CDH4: variants seen among roughly 807,000 people sequenced by gnomAD.
CDH4 encodes the protein cadherin-4.
CDH4 carries 33 observed loss-of-function variants against 86.0 expected under a neutral mutation model. That is an observed-to-expected ratio of 0.38 (90% CI 0.29 to 0.51). The LOEUF (loss-of-function observed/expected upper bound fraction) is 0.51, where lower values mean the gene tolerates loss of function less well. CDH4 is among the 20% of genes least tolerant of loss of function. CDH4 has a pLI of 0.86. For missense variants in CDH4, 1,114 were observed against 1,307.4 expected (o/e 0.85, Z 2.28); for synonymous variants, 555 against 549.4 (o/e 1.01, Z -0.14).
intron 2 of CDH4, among the ~76,000 whole-genome samples, chr20:61,484,404 C>G (rs186944725): frequency 1.3e-5 from 2 of 152,346 alleles, no homozygotes; most frequent in East Asian, 1.9e-4. Context: ...TCCAGACTCT[C>G]ATATCTGCAG....
chr20:61,513,818 G>A (rs1466651322), intron 2 of CDH4, among the ~76,000 whole-genome samples: 3 of 152,158 alleles, frequency 2.0e-5, no homozygotes, highest in Non-Finnish European at 2.9e-5. Context: ...CAGGCACCAC[G>A]GGCCTGGCAT....
chr20:61,597,644 G>A (rs764096382), intron 2 of CDH4, among the ~76,000 whole-genome samples: 6 of 152,218 alleles, frequency 3.9e-5, no homozygotes, highest in South Asian at 2.1e-4. Flanking sequence ...GAGGCAGAGC[G>A]GCCCAAACAG....
intron 2 of CDH4, among the ~76,000 whole-genome samples, chr20:61,578,743 G>A (rs2086403354): frequency 6.6e-6 from 1 of 152,090 alleles, no homozygotes; most frequent in African/African-American, 2.4e-5. Context: ...CAATCCAACT[G>A]ATATGAGCTA....
chr20:61,597,444 AG>A, intron 2 of CDH4, among the ~76,000 whole-genome samples: 1 of 152,318 alleles, frequency 6.6e-6, no homozygotes. Flanking sequence ...CCTCCTGGCC[AG>A]CCTGGCTGCA....
At position 61,675,098 on chromosome 20, in the gene CDH4, G is replaced by A. The variant is rs555349540; in HGVS notation, c.170-68465G>A. ...TCTTCATTCTAGCAGTGCAGGAAGG[G>A]GCTAGGTCTGAGCGACGTGTGACAG... On this transcript the variant is annotated intron_variant, in intron 2 of 15. Transcript: ENST00000614565. Among the ~76,000 whole-genome samples the A allele has an allele frequency of 9.2e-5, 14 of 152,368 alleles. 1 individual carries two copies. In the South Asian group the frequency reaches 2.3e-3, roughly 25 times the overall value.
intron 2 of CDH4, among the ~76,000 whole-genome samples, chr20:61,407,567 C>T (rs6061796): frequency 0.85 from 130,162 of 152,260 alleles, 55,956 homozygotes; most frequent in East Asian, 1. Flanking sequence ...AAGTGACACA[C>T]AAACTTCCCT....
At chr20:61,304,071 C>T (rs2084400585) in intron 2 of CDH4, among the ~76,000 whole-genome samples, 1 of 152,112 alleles carries the variant, frequency 6.6e-6, no homozygotes, top group African/African-American at 2.4e-5. Flanking sequence ...TCTATGGGAC[C>T]CTCAAGGAAC....
intron 2 of CDH4, among the ~76,000 whole-genome samples, chr20:61,594,256 T>TG (rs1306475274): frequency 1.1e-4 from 3 of 28,180 alleles, no homozygotes; most frequent in Admixed American, 1.0e-3. Context: ...GGGAAGAGGG[T>TG]GGGGGGGAAG....
intron 2 of CDH4, among the ~76,000 whole-genome samples, chr20:61,674,986 T>C (rs899690300): frequency 6.6e-6 from 1 of 152,234 alleles, no homozygotes; most frequent in Non-Finnish European, 1.5e-5. Context: ...AAAGAGACAT[T>C]GTGGCCCACC....
chr20:61,666,362 G>T (rs771507695), intron 2 of CDH4, among the ~76,000 whole-genome samples: 1 of 152,200 alleles, frequency 6.6e-6, no homozygotes, highest in South Asian at 2.1e-4. Context: ...AGCTGCTGCC[G>T]GCACAGCCAG....
intron 13 of CDH4, among the ~76,000 whole-genome samples, chr20:61,930,324 A>G (rs1457641506): frequency 6.6e-6 from 1 of 152,242 alleles, no homozygotes; most frequent in Non-Finnish European, 1.5e-5. Context: ...CTCTGCCCAG[A>G]TCACATGCTC....
rs936425959 is a variant in CDH4, at chr20:61,528,595, C to T, written c.170-214968C>T. ...GACCAGCCTGGCAACGTAGAAAGAC[C>T]CCATCTCCACAAAAAAGAAAAGGAA... On this transcript the variant is annotated intron_variant, in intron 2 of 15. Transcript: ENST00000614565. 4.0e-5 allele frequency among the ~76,000 whole-genome samples: 6 copies of T among 151,716 alleles called. No individual in the cohort carries two copies. In the East Asian group the frequency reaches 1.2e-3, roughly 29 times the overall value.
In CDH4 at chr20:61,603,111, G is replaced by A. The variant is rs116829931; in HGVS notation, c.170-140452G>A. ...AAGCTCTCAGTCTAGTTCAAGAGGT[G>A]GCTAAACAGAAGCACAGTTTTTTAT... On this transcript the variant is annotated intron_variant, in intron 2 of 15. Transcript: ENST00000614565. 6.3e-3 allele frequency among the ~76,000 whole-genome samples: 967 copies of A among 152,294 alleles called. 16 individuals are homozygous for A. Among genetic ancestry groups the A allele is most frequent in the African/African-American group, 0.022 (901 of 41,556 alleles).
chr20:61,765,928 A>G (rs965637061), intron 3 of CDH4, among the ~76,000 whole-genome samples: 3 of 151,960 alleles, frequency 2.0e-5, no homozygotes, highest in African/African-American at 7.2e-5. Context: ...GGCCAGGTGG[A>G]ATGCCGGACT....
At chr20:61,301,045 G>A (rs751480431) in intron 2 of CDH4, among the ~76,000 whole-genome samples, 2 of 152,214 alleles carry the variant, frequency 1.3e-5, no homozygotes, top group Non-Finnish European at 2.9e-5. Context: ...CAAAGCTCAC[G>A]ACTCTTACCT....
Position 61,510,781 on chromosome 20 carries a change from AT to A in CDH4, c.170-232779del, listed in dbSNP as rs573327559. Among the ~76,000 whole-genome samples, 496 of 152,150 alleles carry A rather than the reference AT, an allele frequency of 3.3e-3. 1 individual carries two copies. The highest frequency in any genetic ancestry group is 0.011 in the African/African-American group (468 of 41,482). ...ATAAAGAAATACCTGAGACTGGGTA[AT>A]TTATAAAAGAAAGAGGTTTAATTGG... On this transcript the variant is annotated intron_variant, in intron 2 of 15. Transcript: ENST00000614565. The surrounding 1 kb of genome is among the most constrained non-coding windows in gnomAD (Gnocchi z 4.2).
At chr20:61,547,040 C>A (rs777517911) in intron 2 of CDH4, among the ~76,000 whole-genome samples, 2 of 151,882 alleles carry the variant, frequency 1.3e-5, no homozygotes, top group African/African-American at 2.4e-5. Context: ...TGACAGATCG[C>A]TGCCTCCCTC....
At chr20:61,892,165 G>C (rs1310485628) in intron 7 of CDH4, among the ~76,000 whole-genome samples, 1 of 152,224 alleles carries the variant, frequency 6.6e-6, no homozygotes, top group African/African-American at 2.4e-5. Flanking sequence ...ATCGCTTGCT[G>C]TCATGTATAA....
chr20:61,606,064 G>C (rs1047818812), intron 2 of CDH4, among the ~76,000 whole-genome samples: 1 of 152,120 alleles, frequency 6.6e-6, no homozygotes, highest in Non-Finnish European at 1.5e-5. Context: ...ATGGGCCCAG[G>C]GTGCCTTGGA....
Sources: allele counts gnomAD v4.1 joint callset (sites outside exome capture counted in the v4.1 genomes callset), GRCh38; gene constraint gnomAD v4.1.1; non-coding constraint Gnocchi (gnomAD v3.1); transcripts MANE v1.5; gene names NCBI Gene and HGNC (gene_info 2026-07-23, HGNC 2026-07-21).